Variants in PPM1H observed in about 807,000 individuals in gnomAD.
The protein encoded by PPM1H is protein phosphatase, Mg2+/Mn2+ dependent 1H.
Under a neutral mutation model 54.9 loss-of-function variants are expected in PPM1H, and 27 were observed. The observed-to-expected ratio is 0.49, with a 90% CI of 0.36 to 0.68. The LOEUF is 0.68. Ranked by LOEUF, PPM1H falls within the 30% of genes least tolerant of loss-of-function variation. The pLI is 0.00. For missense variants in PPM1H, 596 were observed against 667.8 expected (o/e 0.89, Z 1.19); for synonymous variants, 305 against 270.8 (o/e 1.13, Z -1.24).
intron 4 of PPM1H, among the ~76,000 whole-genome samples, chr12:62,766,425 T>C (rs2076543776): frequency 6.9e-6 from 1 of 145,228 alleles, no homozygotes; most frequent in African/African-American, 2.7e-5. Context: ...GGAATTAAGT[T>C]AATACAAAAA....
At chr12:62,685,345 T>G (rs570312112) in intron 8 of PPM1H, among the ~76,000 whole-genome samples, 1 of 152,288 alleles carries the variant, frequency 6.6e-6, no homozygotes, top group South Asian at 2.1e-4. Flanking sequence ...TTAAGACAAA[T>G]GCACCCTCAT....
At chr12:62,913,146 A>G (rs917506796) in intron 1 of PPM1H, among the ~76,000 whole-genome samples, 8 of 152,204 alleles carry the variant, frequency 5.3e-5, no homozygotes, top group Admixed American at 2.6e-4. Flanking sequence ...TTGTTAATGA[A>G]GATGGGGAAG....
chr12:62,865,632 G>A (rs1191023556), intron 1 of PPM1H, among the ~76,000 whole-genome samples: 1 of 152,138 alleles, frequency 6.6e-6, no homozygotes, highest in Non-Finnish European at 1.5e-5. Flanking sequence ...GAGTAGCTGG[G>A]ACTACAGGCA....
intron 1 of PPM1H, among the ~76,000 whole-genome samples, chr12:62,929,867 C>G (rs1376460961): frequency 6.6e-6 from 1 of 152,130 alleles, no homozygotes; most frequent in African/African-American, 2.4e-5. Context: ...TCTGCAGATA[C>G]CCTCACCCAC....
chr12:62,762,489 G>T (rs920646800), intron 4 of PPM1H, among the ~76,000 whole-genome samples: 1 of 152,172 alleles, frequency 6.6e-6, no homozygotes, highest in African/African-American at 2.4e-5. Flanking sequence ...TGGTAGATGC[G>T]CCTGACAGCA....
intron 4 of PPM1H, among the ~76,000 whole-genome samples, chr12:62,751,645 G>A (rs1023072338): frequency 6.6e-6 from 1 of 152,180 alleles, no homozygotes; most frequent in Admixed American, 6.5e-5. Flanking sequence ...GTCTATATTT[G>A]CCTGCCAAGA....
intron 4 of PPM1H, among the ~76,000 whole-genome samples, chr12:62,745,412 G>A (rs1053469257): frequency 2.6e-5 from 4 of 152,106 alleles, no homozygotes; most frequent in African/African-American, 9.7e-5. Flanking sequence ...GGAAACGTAT[G>A]CTCCTTTTGT....
chr12:62,845,207 G>A (rs1174711715), intron 1 of PPM1H, among the ~76,000 whole-genome samples: 5 of 152,178 alleles, frequency 3.3e-5, no homozygotes, highest in East Asian at 3.9e-4. Context: ...TGACACTATC[G>A]GTTTGAAGCT....
In PPM1H at chr12:62,851,112, C is replaced by A. The variant is rs568341901; in HGVS notation, c.246-18833G>T. On this transcript the variant is annotated intron_variant, in intron 1 of 9. Coordinates refer to ENST00000228705, the MANE Select transcript of PPM1H (RefSeq NM_020700.2). ...CCTAGGACTGTGAGCATTCTAAACACCCAGACTTTGGTTTCCAAATACTAC... is the reference window on the plus strand; with the variant it reads ...CCTAGGACTGTGAGCATTCTAAACAACCAGACTTTGGTTTCCAAATACTAC... Among the ~76,000 whole-genome samples the A allele has an allele frequency of 2.6e-5, 4 of 152,248 alleles. No individual in the cohort carries two copies. In the South Asian group the frequency reaches 6.2e-4, roughly 24 times the overall value.
chr12:62,722,740 TA>T (rs1278264293), intron 5 of PPM1H, among the ~76,000 whole-genome samples: 2 of 152,174 alleles, frequency 1.3e-5, no homozygotes, highest in African/African-American at 2.4e-5. Context: ...TTAAATAAAC[TA>T]GCATAAACCC....
intron 8 of PPM1H, among the ~76,000 whole-genome samples, chr12:62,672,491 T>C (rs970839942): frequency 6.6e-6 from 1 of 152,192 alleles, no homozygotes; most frequent in Non-Finnish European, 1.5e-5. Context: ...AGTGCTACCT[T>C]AACCAAGTTA....
chr12:62,713,893 G>A lies in PPM1H; in HGVS notation c.1073+6278C>T, dbSNP rs1485712244. 3.9e-5 allele frequency among the ~76,000 whole-genome samples: 6 copies of A among 152,148 alleles called. No individual in the cohort carries two copies. In the South Asian group the frequency reaches 8.3e-4, roughly 21 times the overall value. ...CTGAGGTGGGAGATCACTTGAGCCC[G>A]GGAGGTTGAGGCTGCAGTGAGCCAT... On this transcript the variant is annotated intron_variant, in intron 6 of 9. Transcript: ENST00000228705.
At chr12:62,925,564 C>T (rs566982820) in intron 1 of PPM1H, among the ~76,000 whole-genome samples, 20 of 152,242 alleles carry the variant, frequency 1.3e-4, no homozygotes, top group African/African-American at 1.9e-4. Flanking sequence ...GGTGACAGAG[C>T]GAGACTATCT....
At chr12:62,706,171 CTGTTT>C (rs1422182391) in intron 6 of PPM1H, among the ~76,000 whole-genome samples, 18 of 152,276 alleles carry the variant, frequency 1.2e-4, no homozygotes, top group African/African-American at 4.1e-4. Flanking sequence ...TTTGAGTCTT[CTGTTT>C]TATCTTTAAA....
intron 2 of PPM1H, among the ~76,000 whole-genome samples, chr12:62,817,314 T>G (rs2076875975): frequency 6.6e-6 from 1 of 151,214 alleles, no homozygotes; most frequent in Non-Finnish European, 1.5e-5. Flanking sequence ...TACAAAAAAT[T>G]AGCCGGGCGT....
At chr12:62,669,321 G>A (rs915937888) in intron 8 of PPM1H, among the ~76,000 whole-genome samples, 1 of 152,156 alleles carries the variant, frequency 6.6e-6, no homozygotes, top group South Asian at 2.1e-4. Flanking sequence ...ATGGTTCTTC[G>A]GTGTGTTAGA....
At chr12:62,853,274 C>T (rs1232362858) in intron 1 of PPM1H, among the ~76,000 whole-genome samples, 2 of 151,524 alleles carry the variant, frequency 1.3e-5, no homozygotes, top group African/African-American at 2.4e-5. Context: ...AGCAAACTAG[C>T]GAAATGTTAA....
chr12:62,656,225 G>C (rs2075843304), intron 9 of PPM1H, among the ~76,000 whole-genome samples: 1 of 152,122 alleles, frequency 6.6e-6, no homozygotes. Flanking sequence ...TTCCAATCCT[G>C]GCTTTCCCAC....
At chr12:62,894,599 C>T (rs1649560783) in intron 1 of PPM1H, among the ~76,000 whole-genome samples, 2 of 152,158 alleles carry the variant, frequency 1.3e-5, no homozygotes, top group African/African-American at 2.4e-5. Flanking sequence ...ATACAACCTA[C>T]CTCCCAGATT....
Sources: allele counts gnomAD v4.1 joint callset (sites outside exome capture counted in the v4.1 genomes callset), GRCh38; gene constraint gnomAD v4.1.1; transcripts MANE v1.5; gene names NCBI Gene and HGNC (gene_info 2026-07-23, HGNC 2026-07-21).